The following LRRC57 variants were observed in gnomAD, a reference collection of about 807,000 sequenced individuals.
LRRC57 encodes the protein leucine-rich repeat-containing protein 57.
LRRC57 carries 14 observed loss-of-function variants against 23.1 expected under a neutral mutation model. The observed-to-expected ratio is 0.61, with a 90% CI of 0.40 to 0.95. LRRC57 has a LOEUF of 0.95. Ranked by LOEUF, LRRC57 falls within the 40% of genes least tolerant of loss-of-function variation. The probability of loss-of-function intolerance (pLI) is 0.00; values close to 1 mark genes in which losing one functional copy is unlikely to be tolerated. For synonymous variants in LRRC57, 106 were observed against 115.2 expected (o/e 0.92, Z 0.51); for missense variants, 236 against 284.4 (o/e 0.83, Z 1.22).
chr15:42,541,529 C>T lies in LRRC57; in HGVS notation c.*2554G>A, dbSNP rs1175578237. On this transcript the variant is annotated 3_prime_UTR_variant, in exon 6 of 6. Transcript: ENST00000397130. Reference sequence around the variant, plus strand: ...AAAGTAACATATGGGAAAAAGAGAACACCTAGACCAGATTTACGTCAGAAA... The same window carrying T: ...AAAGTAACATATGGGAAAAAGAGAATACCTAGACCAGATTTACGTCAGAAA... 1 of 152,098 alleles carries T rather than the reference C, an allele frequency of 6.6e-6. No homozygotes were observed. The highest frequency in any genetic ancestry group is 1.5e-5 in the Non-Finnish European group (1 of 68,012). The allele number at this position is 152,098 out of a possible 1,614,324, so 9.4% of individuals were successfully genotyped here. A position where few individuals can be genotyped will look rare whatever the true frequency, so the allele number is the denominator to read the frequency against.
At chr15:42,531,348 G>A in the LRRC57 span, 4 of 1,158,516 alleles carry the variant, frequency 3.5e-6, no homozygotes, top group South Asian at 8.0e-5. Flanking sequence ...TACTCCAAGT[G>A]TAAAAAGTTT....
At chr15:42,547,575 A>C in intron 3 of LRRC57, 46 bp from the exon 4 acceptor site, 1 of 1,548,854 alleles carries the variant, frequency 6.5e-7, no homozygotes, top group South Asian at 1.2e-5. Flanking sequence ...ATAGAGCTGA[A>C]AACAACTTTG....
intron 4 of LRRC57, 119 bp downstream of exon 4, chr15:42,547,142 C>T (rs2057662068): frequency 8.8e-7 from 1 of 1,130,902 alleles, no homozygotes; most frequent in African/African-American, 1.6e-5. Flanking sequence ...AGAAACCTCT[C>T]ATTTAGCCTC....
downstream of LRRC57, among the ~76,000 whole-genome samples, chr15:42,537,229 T>TCACACACACACACACACACA (rs1445243515): frequency 9.2e-6 from 1 of 109,000 alleles, no homozygotes; most frequent in African/African-American, 5.6e-5. Flanking sequence ...TCTCTCTCTC[T>TCACACACACACACACACACA]CTCTCACACA....
rs768966090 is a variant in LRRC57 at position 42,547,459 on chromosome 15, T to C, written c.294A>G (p.Arg98=). 34 of 1,614,038 alleles carry C rather than the reference T, an allele frequency of 2.1e-5. No individual in the cohort carries two copies. The Admixed American group carries it at 5.5e-4, about 26-fold the overall frequency. The change falls in exon 4 of 6, where the codon AGA becomes AGG. Residue 98 remains arginine, a synonymous_variant. Coordinates refer to ENST00000397130, the MANE Select transcript of LRRC57 (RefSeq NM_153260.3). ...GTTGCCCAAAGGTAGACGGCAGCTC[T>C]CTAAGGTGATTGTTGTTTAGGCTTA... ...ETLSLNNNHL[R]ELPSTFGQLS... is the part of the protein sequence containing the mutation.
At position 42,540,754 on chromosome 15, in the gene LRRC57, G is replaced by T. The variant is rs547813662; in HGVS notation, c.*3329C>A. ...TTAAATGTATAAGTTCTGGCCAGGC[G>T]TGGTGGCTCACGCCTGTAATCCCAG... On this transcript the variant is annotated 3_prime_UTR_variant, in exon 6 of 6. Transcript: ENST00000397130. 1.3e-5 allele frequency: 2 copies of T among 152,234 alleles called. No individual in the cohort carries two copies. Among genetic ancestry groups the T allele is most frequent in the Non-Finnish European group, 2.9e-5 (2 of 68,048 alleles). The allele number at this position is 152,234 out of a possible 1,614,324, so 9.4% of individuals were successfully genotyped here.
intron 4 of LRRC57, among the ~76,000 whole-genome samples, chr15:42,546,347 G>A (rs2057658173): frequency 6.6e-6 from 1 of 152,102 alleles, no homozygotes; most frequent in African/African-American, 2.4e-5. Context: ...ACTGGCAGAG[G>A]TGAATGTGGA....
At chr15:42,529,931 T>C in the LRRC57 span, 43 of 1,163,282 alleles carry the variant, frequency 3.7e-5, no homozygotes, top group Non-Finnish European at 5.1e-5. Context: ...CCTGTCCTCA[T>C]AGGTCTTAAT....
At chr15:42,528,435 C>G in the LRRC57 span, 1 of 1,613,314 alleles carries the variant, frequency 6.2e-7, no homozygotes, top group African/African-American at 1.3e-5. Flanking sequence ...GCCAACTCCT[C>G]CTGATATTCC....
chr15:42,541,791 GCT>G lies in LRRC57; in HGVS notation c.*2290_*2291del, dbSNP rs2057630617. Reference sequence around the variant, plus strand: ...TTTTTTTTTTTTGAGATGGAGTCTGGCTCTGTCACCCAGGCTGGAGTGCAGTG... The same window carrying G: ...TTTTTTTTTTTTGAGATGGAGTCTGGCTGTCACCCAGGCTGGAGTGCAGTG... On this transcript the variant is annotated 3_prime_UTR_variant, in exon 6 of 6. Transcript: ENST00000397130. 6.7e-6 allele frequency: 1 copy of G among 149,754 alleles called. No homozygotes were observed. Among genetic ancestry groups the G allele is most frequent in the South Asian group, 2.1e-4 (1 of 4,756 alleles). 9.3% of individuals were successfully genotyped at this position (149,754 alleles called of 1,614,324 possible). A position where few individuals can be genotyped will look rare whatever the true frequency, so the allele number is the denominator to read the frequency against.
At chr15:42,529,351 GT>G in the LRRC57 span, among the ~76,000 whole-genome samples, 231 of 152,312 alleles carry the variant, frequency 1.5e-3, 1 homozygote, top group African/African-American at 5.4e-3. Context: ...TGCACTTACA[GT>G]TTCTGATTGA....
chr15:42,548,736 A>AG lies in LRRC57; in HGVS notation c.-67dup. The stretch of plus-strand genomic sequence containing the variant: ...CGTAAGGCTCCGCAGGTGAAGACCC[A>AG]GGACCCGCAGTAGCCGGGATGCGCT... On this transcript the variant is annotated 5_prime_UTR_variant, in exon 1 of 6. Coordinates refer to ENST00000397130, the MANE Select transcript of LRRC57 (RefSeq NM_153260.3). 1 of 673,176 alleles carries AG rather than the reference A, an allele frequency of 1.5e-6. No homozygotes were observed. Among genetic ancestry groups the AG allele is most frequent in the South Asian group, 1.9e-5 (1 of 52,954 alleles). The allele number at this position is 673,176 out of a possible 1,614,324, so 41.7% of individuals were successfully genotyped here. A position where few individuals can be genotyped will look rare whatever the true frequency, so the allele number is the denominator to read the frequency against.
intron 5 of LRRC57, among the ~76,000 whole-genome samples, chr15:42,544,842 C>CTATATAGATATATATATATA (rs2057650477): frequency 1.0e-5 from 1 of 98,038 alleles, no homozygotes. Context: ...CACACACACA[C>CTATATAGATATATATATATA]TATATATATA....
At position 42,542,183 on chromosome 15, in the gene LRRC57, G is replaced by A. The variant is rs1330943887; in HGVS notation, c.*1900C>T. 2 of 151,958 alleles carry A rather than the reference G, an allele frequency of 1.3e-5. No homozygotes were observed. Among genetic ancestry groups the A allele is most frequent in the African/African-American group, 4.8e-5 (2 of 41,320 alleles). The allele number at this position is 151,958 out of a possible 1,614,324, so 9.4% of individuals were successfully genotyped here. On this transcript the variant is annotated 3_prime_UTR_variant, in exon 6 of 6. Coordinates refer to ENST00000397130, the MANE Select transcript of LRRC57 (RefSeq NM_153260.3). Reference sequence around the variant, plus strand: ...CCTGCCTCAGCCTCCTGAGTATCTGGGATTACAGGCACGTGCCACCACACC... The same window carrying A: ...CCTGCCTCAGCCTCCTGAGTATCTGAGATTACAGGCACGTGCCACCACACC...
chr15:42,531,747 A>G, the LRRC57 span: 6 of 280,980 alleles, frequency 2.1e-5, no homozygotes, highest in African/African-American at 4.4e-5. Context: ...TCCTCCTCAT[A>G]TACTTCAGCA....
At chr15:42,531,346 G>A in the LRRC57 span, 1 of 1,083,920 alleles carries the variant, frequency 9.2e-7, no homozygotes, top group Non-Finnish European at 1.3e-6. Flanking sequence ...GTTACTCCAA[G>A]TGTAAAAAGT....
Position 42,543,343 on chromosome 15 carries a change from G to C in LRRC57, c.*740C>G, listed in dbSNP as rs1236917437. 6.6e-6 allele frequency: 1 copy of C among 152,136 alleles called. No individual in the cohort carries two copies. Among genetic ancestry groups the C allele is most frequent in the African/African-American group, 2.4e-5 (1 of 41,390 alleles). 9.4% of individuals were successfully genotyped at this position (152,136 alleles called of 1,614,324 possible). On this transcript the variant is annotated 3_prime_UTR_variant, in exon 6 of 6. Transcript: ENST00000397130. Reference sequence around the variant, plus strand: ...GCCTCCCAAGTAGCTGGGATTATAAGCATGCACCAACACACCCAGCTAATT... The same window carrying C: ...GCCTCCCAAGTAGCTGGGATTATAACCATGCACCAACACACCCAGCTAATT...
In LRRC57 at chr15:42,544,102, G is replaced by T. The variant is rs763698901; in HGVS notation, c.701C>A (p.Thr234Asn). ...AGAACTTCACGCAAACTTCTTCTTG[G>T]TGGCTGTGAACCTCTCCATGTACTA... ...YDKYMERFTA[T>N]KKKFA The change falls in exon 6 of 6, where the codon ACC becomes AAC. Residue 234 changes from threonine (T) to asparagine (N), a missense_variant. Coordinates refer to ENST00000397130, the MANE Select transcript of LRRC57 (RefSeq NM_153260.3). 2.5e-6 allele frequency: 4 copies of T among 1,612,966 alleles called. No homozygotes were observed. The South Asian group carries it at 4.4e-5, about 18-fold the overall frequency.
chr15:42,537,261 A>ACACACG (rs1555381694), downstream of LRRC57, among the ~76,000 whole-genome samples: 3 of 148,174 alleles, frequency 2.0e-5, no homozygotes, highest in Middle Eastern at 3.4e-3. Flanking sequence ...ACACACACAC[A>ACACACG]CACGCACGCA....
Sources: allele counts gnomAD v4.1 joint callset (sites outside exome capture counted in the v4.1 genomes callset), GRCh38; gene constraint gnomAD v4.1.1; transcripts MANE v1.5; gene names NCBI Gene and HGNC (gene_info 2026-07-23, HGNC 2026-07-21).